CDH11: variants seen among roughly 807,000 people sequenced by gnomAD.
CDH11 encodes cadherin-11.
CDH11 carries 11 observed loss-of-function variants against 67.8 expected under a neutral mutation model. That is an observed-to-expected ratio of 0.16 (90% CI 0.10 to 0.27). The LOEUF (loss-of-function observed/expected upper bound fraction) is 0.27. Ranked by LOEUF, CDH11 falls within the 10% of genes least tolerant of loss-of-function variation. The pLI is 1.00. For missense variants in CDH11, 847 were observed against 1,031.2 expected (o/e 0.82, Z 2.45); for synonymous variants, 419 against 400.0 (o/e 1.05, Z -0.57).
At chr16:64,960,930 G>T (rs1489073335) in intron 11 of CDH11, among the ~76,000 whole-genome samples, 3 of 152,134 alleles carry the variant, frequency 2.0e-5, no homozygotes, top group East Asian at 3.9e-4. Context: ...AGGTCACCAT[G>T]TAGTTACAGC....
intron 8 of CDH11, chr16:64,981,281 T>G (rs2072339456): frequency 6.6e-6 from 1 of 151,934 alleles, no homozygotes; most frequent in South Asian, 2.1e-4. Flanking sequence ...AAATTTTGTA[T>G]TTTTAGTAGA....
chr16:65,051,531 G>T (rs1414515159), intron 2 of CDH11, among the ~76,000 whole-genome samples: 1 of 152,140 alleles, frequency 6.6e-6, no homozygotes, highest in Non-Finnish European at 1.5e-5. Context: ...TAGCACTATG[G>T]CCATAGACAA....
At chr16:65,122,777 C>A (rs1295944408), upstream of CDH11, among the ~76,000 whole-genome samples, 4 of 152,076 alleles carry the variant, frequency 2.6e-5, no homozygotes, top group East Asian at 7.8e-4. Flanking sequence ...CGTCTAGTGC[C>A]CCCCACGCAA....
At chr16:65,030,048 A>G (rs2073611803) in intron 2 of CDH11, among the ~76,000 whole-genome samples, 1 of 152,196 alleles carries the variant, frequency 6.6e-6, no homozygotes, top group African/African-American at 2.4e-5. Context: ...TGAAGTAGAA[A>G]ATCTTTTATC....
intron 1 of CDH11, among the ~76,000 whole-genome samples, chr16:65,106,331 G>A (rs1201868892): frequency 2.0e-5 from 3 of 152,128 alleles, no homozygotes; most frequent in Admixed American, 6.5e-5. Flanking sequence ...AGATGAAAAT[G>A]TTACACAAAT....
chr16:64,944,643 T>A lies in CDH11; in HGVS notation c.*2960A>T. 1 of 231,696 alleles carries A rather than the reference T, an allele frequency of 4.3e-6. No homozygotes were observed. The highest frequency in any genetic ancestry group is 8.5e-6 in the Non-Finnish European group (1 of 117,102). The allele number at this position is 231,696 out of a possible 1,614,324, so 14.4% of individuals were successfully genotyped here. A position where few individuals can be genotyped will look rare whatever the true frequency, so the allele number is the denominator to read the frequency against. On this transcript the variant is annotated 3_prime_UTR_variant, in exon 13 of 13. Coordinates refer to ENST00000268603, the MANE Select transcript of CDH11 (RefSeq NM_001797.4). ...CCACCTGACATACAGAGCCATGATC[T>A]CTATATTTTTAAGCAATTCTCCAAG...
At chr16:65,070,694 T>C (rs1407129555) in intron 1 of CDH11, among the ~76,000 whole-genome samples, 1 of 152,176 alleles carries the variant, frequency 6.6e-6, no homozygotes, top group East Asian at 1.9e-4. Flanking sequence ...CAGCACCTGG[T>C]ATAGGTCAGT....
At chr16:65,035,398 C>T (rs1156463437) in intron 2 of CDH11, among the ~76,000 whole-genome samples, 1 of 152,202 alleles carries the variant, frequency 6.6e-6, no homozygotes, top group Non-Finnish European at 1.5e-5. Flanking sequence ...TATTCAAGCG[C>T]AGTGGAAGTA....
intron 1 of CDH11, among the ~76,000 whole-genome samples, chr16:65,094,238 T>C (rs891389359): frequency 6.6e-6 from 1 of 152,232 alleles, no homozygotes; most frequent in African/African-American, 2.4e-5. Flanking sequence ...TGACACATAG[T>C]GTTCTTTCCT....
chr16:65,044,358 A>C (rs1172516702), intron 2 of CDH11, among the ~76,000 whole-genome samples: 1 of 152,206 alleles, frequency 6.6e-6, no homozygotes, highest in African/African-American at 2.4e-5. Context: ...TAGAGGATGC[A>C]CAGAAATGTT....
chr16:64,990,135 A>G (rs969538223), intron 6 of CDH11, among the ~76,000 whole-genome samples: 6 of 152,340 alleles, frequency 3.9e-5, no homozygotes, highest in African/African-American at 1.4e-4. Context: ...CCAGTACAGT[A>G]GCAATGTAAC....
At chr16:64,971,852 T>C (rs1449107038) in intron 10 of CDH11, 79 bp downstream of exon 10, 1 of 1,513,754 alleles carries the variant, frequency 6.6e-7, no homozygotes, top group Non-Finnish European at 9.2e-7. Flanking sequence ...GTGGTTGGTA[T>C]CTCCAAGTGA....
intron 1 of CDH11, among the ~76,000 whole-genome samples, chr16:65,095,892 G>C (rs908030626): frequency 2.0e-5 from 3 of 152,176 alleles, no homozygotes; most frequent in Non-Finnish European, 4.4e-5. Context: ...AATCAAAAGA[G>C]CTCCCTGCCT....
intron 2 of CDH11, among the ~76,000 whole-genome samples, chr16:65,012,364 A>G (rs571941600): frequency 7.1e-4 from 108 of 152,310 alleles, no homozygotes; most frequent in African/African-American, 2.5e-3. Flanking sequence ...CTAGTTCAAA[A>G]CGAGGAGGTG....
In CDH11 at chr16:64,945,962, C is replaced by T. The variant is rs1032404597; in HGVS notation, c.*1641G>A. On this transcript the variant is annotated 3_prime_UTR_variant, in exon 13 of 13. Coordinates refer to ENST00000268603, the MANE Select transcript of CDH11 (RefSeq NM_001797.4). ...TGTGGTCTTTCCCCAAGTATTGCTA[C>T]GTTTTGACCTTTGGCCCAACTGAAC... 17 of 1,057,384 alleles carry T rather than the reference C, an allele frequency of 1.6e-5. No individual in the cohort carries two copies. The highest frequency in any genetic ancestry group is 1.6e-4 in the East Asian group (3 of 19,100). 65.5% of individuals were successfully genotyped at this position (1,057,384 alleles called of 1,614,324 possible). A position where few individuals can be genotyped will look rare whatever the true frequency, so the allele number is the denominator to read the frequency against.
intron 1 of CDH11, among the ~76,000 whole-genome samples, chr16:65,093,895 T>C (rs2074837468): frequency 1.3e-5 from 2 of 152,186 alleles, no homozygotes; most frequent in Admixed American, 1.3e-4. Flanking sequence ...CATTTGAATA[T>C]ATGTTCCTTG....
intron 2 of CDH11, among the ~76,000 whole-genome samples, chr16:65,046,164 A>G (rs1187014055): frequency 1.3e-5 from 2 of 152,228 alleles, no homozygotes; most frequent in East Asian, 1.9e-4. Flanking sequence ...AGAGAATCCT[A>G]TACCAGCCTT....
intron 2 of CDH11, among the ~76,000 whole-genome samples, chr16:65,014,039 A>T (rs2073241187): frequency 6.6e-6 from 1 of 152,158 alleles, no homozygotes; most frequent in African/African-American, 2.4e-5. Flanking sequence ...AATTAAGAAG[A>T]TGAGTTAAGA....
At chr16:64,978,458 T>A (rs1471630033) in intron 8 of CDH11, among the ~76,000 whole-genome samples, 1 of 152,176 alleles carries the variant, frequency 6.6e-6, no homozygotes, top group Non-Finnish European at 1.5e-5. Context: ...GTGACTATCT[T>A]CCCATATAAC....
Sources: allele counts gnomAD v4.1 joint callset (sites outside exome capture counted in the v4.1 genomes callset), GRCh38; gene constraint gnomAD v4.1.1; transcripts MANE v1.5; gene names NCBI Gene and HGNC (gene_info 2026-07-23, HGNC 2026-07-21).